PPIL2: variants seen among roughly 807,000 people sequenced by gnomAD.
PPIL2 encodes the protein peptidylprolyl isomerase like 2, also known as RING-type E3 ubiquitin-protein ligase PPIL2.
Under a neutral mutation model 75.2 loss-of-function variants are expected in PPIL2, and 50 were observed. The ratio of observed to expected loss-of-function variants is 0.66; its 90% confidence interval spans 0.53 to 0.84. The LOEUF (loss-of-function observed/expected upper bound fraction) is 0.84. Ranked by LOEUF, PPIL2 falls within the 40% of genes least tolerant of loss-of-function variation. PPIL2 has a pLI of 0.00. For missense variants in PPIL2, 590 were observed against 685.0 expected (o/e 0.86, Z 1.55); for synonymous variants, 245 against 258.8 (o/e 0.95, Z 0.51).
Position 21,682,469 on chromosome 22 carries a change from C to T in PPIL2, c.420C>T (p.Asn140=). ...AACAGCTAAATATCAAGGCCAAGAA[C>T]TTCCGGGACCTGCTGACCGACGAGC... ...AVEQLNIKAK[N]FRDLLTDEPF... is the part of the protein sequence containing the mutation. Residue 140 remains asparagine, a synonymous_variant, in exon 8 of 20, where the codon AAC becomes AAT. Transcript: ENST00000398831. 1.2e-6 allele frequency: 2 copies of T among 1,614,028 alleles called. No homozygotes were observed. Among genetic ancestry groups the T allele is most frequent in the Non-Finnish European group, 1.7e-6 (2 of 1,179,994 alleles).
intron 11 of PPIL2, 48 bp from the exon 12 acceptor site, chr22:21,686,844 G>C (rs757992159): frequency 1.2e-5 from 18 of 1,541,708 alleles, no homozygotes; most frequent in Non-Finnish European, 1.5e-5. Flanking sequence ...GCATGGTGGG[G>C]CTGCCCCAGG....
intron 15 of PPIL2, among the ~76,000 whole-genome samples, chr22:21,691,654 C>G (rs1436551478): frequency 6.6e-6 from 1 of 151,608 alleles, no homozygotes; most frequent in Non-Finnish European, 1.5e-5. Flanking sequence ...CACTCCAGCC[C>G]TCCAGCCTGG....
At chr22:21,686,160 C>A (rs1259093790) in intron 10 of PPIL2, among the ~76,000 whole-genome samples, 4 of 152,124 alleles carry the variant, frequency 2.6e-5, no homozygotes, top group Admixed American at 6.5e-5. Context: ...AAGACCTTGT[C>A]TCATAAAAAA....
Position 21,697,552 on chromosome 22 carries a change from C to G in PPIL2, c.*2062C>G, listed in dbSNP as rs771204426. On this transcript the variant is annotated 3_prime_UTR_variant, in exon 20 of 20. Transcript: ENST00000398831. ...AGGGCACGATTTAAACATTTGACAT[C>G]AGAAGCTTTATTTGTAAACCTCACA... is the stretch of plus-strand genomic sequence containing the variant. 6.4e-6 allele frequency: 1 copy of G among 155,840 alleles called. No individual in the cohort carries two copies. The highest frequency in any genetic ancestry group is 1.4e-5 in the Non-Finnish European group (1 of 70,394). The allele number at this position is 155,840 out of a possible 1,614,324, so 9.7% of individuals were successfully genotyped here.
At position 21,696,935 on chromosome 22, in the gene PPIL2, C is replaced by G; in HGVS notation, c.*1445C>G. 9 of 1,585,244 alleles carry G rather than the reference C, an allele frequency of 5.7e-6. No individual in the cohort carries two copies. The highest frequency in any genetic ancestry group is 7.7e-6 in the Non-Finnish European group (9 of 1,166,170). ...GTCTGCCCCTCGTCACCCTGCTGCA[C>G]ACCAATCTGTGGCCCTTCATCATGC... On this transcript the variant is annotated 3_prime_UTR_variant, in exon 20 of 20. Transcript: ENST00000398831.
chr22:21,686,379 T>TG, intron 10 of PPIL2, 104 bp from the exon 11 acceptor site: 2 of 1,123,214 alleles, frequency 1.8e-6, no homozygotes, highest in Non-Finnish European at 2.7e-6. Context: ...AAGCAGGGCC[T>TG]GGGGGGCAGG....
At chr22:21,679,923 TAA>T (rs535944893) in intron 6 of PPIL2, among the ~76,000 whole-genome samples, 2,176 of 151,126 alleles carry the variant, frequency 0.014, 47 homozygotes, top group African/African-American at 0.049. Context: ...CCGTCTCTAC[TAA>T]AAAAATACAA....
In PPIL2 at chr22:21,696,960, C is replaced by T; in HGVS notation, c.*1470C>T. The T allele has an allele frequency of 6.4e-7, 1 of 1,571,500 alleles. No individual in the cohort carries two copies. The highest frequency in any genetic ancestry group is 8.6e-7 in the Non-Finnish European group (1 of 1,158,758). The stretch of plus-strand genomic sequence containing the variant: ...CACCAATCTGTGGCCCTTCATCATG[C>T]TAAGAACAAGAACTGCGCCATGGCT... On this transcript the variant is annotated 3_prime_UTR_variant, in exon 20 of 20. Transcript: ENST00000398831.
intron 5 of PPIL2, 131 bp downstream of exon 5, chr22:21,672,512 A>T: frequency 9.1e-6 from 8 of 877,772 alleles, no homozygotes; most frequent in Non-Finnish European, 1.1e-5. Context: ...GAGGAGGGAC[A>T]GTCTTCCCCT....
At chr22:21,678,241 CCTTTTTT>C (rs1247992188) in intron 6 of PPIL2, among the ~76,000 whole-genome samples, 1 of 151,996 alleles carries the variant, frequency 6.6e-6, no homozygotes, top group Non-Finnish European at 1.5e-5. Flanking sequence ...TGTTGTGTTT[CCTTTTTT>C]CTTTTGAAAT....
rs554807306 is a variant in PPIL2 at position 21,680,384 on chromosome 22, G to A, written c.296-915G>A. ...TCTACTAAAAATACAAAAATTAGTC[G>A]TACATGGTGACGCATGCATGCCTGT... On this transcript the variant is annotated intron_variant, in intron 6 of 19. Transcript: ENST00000398831. Among the ~76,000 whole-genome samples the A allele has an allele frequency of 7.9e-5, 12 of 152,260 alleles. No homozygotes were observed. In the South Asian group the frequency reaches 2.3e-3, roughly 29 times the overall value.
rs1569051312 is a variant in PPIL2, at chr22:21,696,418, CGGCCACTG to C, written c.*932_*939del. On this transcript the variant is annotated 3_prime_UTR_variant, in exon 20 of 20. Transcript: ENST00000398831. ...GAAGTGGCCTTGCTGCTCTCAGGCC[CGGCCACTG>C]GGCTCCAAGACTCTGCTCCTCCTGT... 8.5e-7 allele frequency: 1 copy of C among 1,176,644 alleles called. No homozygotes were observed. Among genetic ancestry groups the C allele is most frequent in the African/African-American group, 1.6e-5 (1 of 62,536 alleles). The allele number at this position is 1,176,644 out of a possible 1,614,324, so 72.9% of individuals were successfully genotyped here.
At chr22:21,673,171 C>T (rs1053669278) in intron 5 of PPIL2, among the ~76,000 whole-genome samples, 3 of 152,224 alleles carry the variant, frequency 2.0e-5, no homozygotes, top group Non-Finnish European at 2.9e-5. Context: ...GTGGCCTCAC[C>T]TCCTTAGGGA....
At chr22:21,681,423 G>C (rs1254164958) in intron 7 of PPIL2, 33 bp downstream of exon 7, 1 of 1,554,530 alleles carries the variant, frequency 6.4e-7, no homozygotes, top group South Asian at 1.1e-5. Context: ...GGAGACAGCG[G>C]TGGGGAGATC....
At chr22:21,674,820 C>T (rs980201272) in intron 5 of PPIL2, among the ~76,000 whole-genome samples, 3 of 152,244 alleles carry the variant, frequency 2.0e-5, no homozygotes, top group African/African-American at 4.8e-5. Context: ...GCCTGGTCCT[C>T]CTGCTCGGGG....
chr22:21,671,212 T>G (rs2066619647), intron 4 of PPIL2, among the ~76,000 whole-genome samples, 153 bp downstream of exon 4: 1 of 152,198 alleles, frequency 6.6e-6, no homozygotes, highest in Non-Finnish European at 1.5e-5. Context: ...CTGTGACCCT[T>G]GGGCAGGCAG....
chr22:21,691,025 C>T lies in PPIL2; in HGVS notation c.1139+2176C>T, dbSNP rs200743880. On this transcript the variant is annotated intron_variant, in intron 15 of 19. Coordinates refer to ENST00000398831, the MANE Select transcript of PPIL2 (RefSeq NM_014337.4). ...TGTCACCCAGGCCGGAGTGCAATGG[C>T]GGGATCTCGGCTCACTGCAACCTCT... Among the ~76,000 whole-genome samples the T allele has an allele frequency of 4.9e-5, 6 of 122,474 alleles. No homozygotes were observed. The East Asian group carries it at 9.9e-4, about 20-fold the overall frequency. 80.3% of individuals were successfully genotyped at this position (122,474 alleles called of 152,430 possible).
intron 6 of PPIL2, among the ~76,000 whole-genome samples, chr22:21,678,983 G>T (rs532330813): frequency 3.7e-4 from 55 of 147,618 alleles, no homozygotes; most frequent in Non-Finnish European, 5.6e-4. Context: ...TGCAACCTCC[G>T]CCTCTTGGGT....
chr22:21,687,113 C>A, intron 12 of PPIL2, 115 bp downstream of exon 12: 2 of 1,034,170 alleles, frequency 1.9e-6, no homozygotes, highest in South Asian at 1.3e-5. Context: ...GAAATTCAGC[C>A]TGTCACTAGG....
Sources: gnomAD v4.1 joint callset for allele counts (sites outside exome capture counted in the v4.1 genomes callset) on GRCh38, gnomAD v4.1.1 for gene constraint, MANE v1.5 for transcripts, NCBI Gene and HGNC (gene_info 2026-07-23, HGNC 2026-07-21) for gene names.